The following UNKL variants were observed in gnomAD, a reference collection of about 807,000 sequenced individuals.
UNKL encodes unk like zinc finger.
A neutral mutation model predicts 78.0 loss-of-function variants in UNKL; 60 were observed. That is an observed-to-expected ratio of 0.77 (90% CI 0.63 to 0.95). The LOEUF is 0.95. Ranked by LOEUF, UNKL falls within the 40% of genes least tolerant of loss-of-function variation. The pLI, the probability that UNKL is intolerant of heterozygous loss-of-function variation, is 0.00. For synonymous variants in UNKL, 608 were observed against 474.8 expected, an observed-to-expected ratio of 1.28 and a Z score of -3.65; for missense variants, 1,159 against 1,045.7, an observed-to-expected ratio of 1.11 and a Z score of -1.49.
chr16:1,385,439 C>A (rs1386305328), intron 9 of UNKL, 54 bp from the exon 10 acceptor site: 2 of 1,281,380 alleles, frequency 1.6e-6, no homozygotes, highest in African/African-American at 3.1e-5. Flanking sequence ...GAGGAGGCAG[C>A]GCCACGTCGG....
intron 12 of UNKL, 134 bp from the exon 13 acceptor site, chr16:1,367,992 C>A: frequency 1.3e-6 from 1 of 765,250 alleles, no homozygotes; most frequent in Non-Finnish European, 2.1e-6. Context: ...AGCAGGGGTG[C>A]AGCCACGCCT....
At position 1,367,648 on chromosome 16, in the gene UNKL, ACACT is replaced by A. The variant is rs1308338105; in HGVS notation, c.1788+4_1788+7del. On this transcript the variant is annotated splice_donor_5th_base_variant and intron_variant, in intron 13 of 14. Transcript: ENST00000389221. ...CCCCTCACCTGTCTGGCCCCCCCAC[ACACT>A]CACCTGCTTCACCTGCTGCCAGGAC... The A allele has an allele frequency of 9.3e-6, 12 of 1,286,352 alleles. No homozygotes were observed. Among genetic ancestry groups the A allele is most frequent in the South Asian group, 1.2e-5 (1 of 80,156 alleles). The allele number at this position is 1,286,352 out of a possible 1,614,324, so 79.7% of individuals were successfully genotyped here. A position where few individuals can be genotyped will look rare whatever the true frequency, so the allele number is the denominator to read the frequency against.
chr16:1,393,308 A>C (rs2037126809), intron 7 of UNKL, among the ~76,000 whole-genome samples: 1 of 152,154 alleles, frequency 6.6e-6, no homozygotes, highest in Non-Finnish European at 1.5e-5. Flanking sequence ...TAGGGCTGGG[A>C]GGAGGAGGCC....
At chr16:1,393,974 G>A (rs894939440) in intron 7 of UNKL, among the ~76,000 whole-genome samples, 157 bp downstream of exon 7, 40 of 152,324 alleles carry the variant, frequency 2.6e-4, no homozygotes, top group Admixed American at 5.2e-4. Flanking sequence ...GAGCCTCCAC[G>A]GGCATGTCAG....
chr16:1,385,246 G>A lies in UNKL; in HGVS notation c.1226C>T (p.Pro409Leu), dbSNP rs550441093. ...ALPAPPARAL[P>L]LGPASSTVEA... The stretch of plus-strand genomic sequence containing the variant: ...CACAGTGCTGCTGGCGGGGCCGAGC[G>A]GGAGGGCACGGGCGGGGGGCGCGGG... The change falls in exon 10 of 15, where the codon CCG becomes CTG. Residue 409 changes from proline (P) to leucine (L), a missense_variant. Transcript: ENST00000389221. 3.2e-5 allele frequency: 42 copies of A among 1,312,010 alleles called. No homozygotes were observed. Among genetic ancestry groups the A allele is most frequent in the East Asian group, 1.9e-4 (6 of 31,968 alleles). 81.3% of individuals were successfully genotyped at this position (1,312,010 alleles called of 1,614,324 possible).
chr16:1,394,365 G>T (rs577938681), intron 6 of UNKL, 150 bp from the exon 7 acceptor site: 5 of 914,278 alleles, frequency 5.5e-6, no homozygotes, highest in Non-Finnish European at 8.7e-6. Flanking sequence ...CCTCCTCCAC[G>T]TGTGCCCTTG....
At chr16:1,380,307 A>G (rs2036553139) in intron 10 of UNKL, among the ~76,000 whole-genome samples, 1 of 152,224 alleles carries the variant, frequency 6.6e-6, no homozygotes, top group African/African-American at 2.4e-5. Flanking sequence ...GACCCAGTCT[A>G]CACACCAGCT....
At chr16:1,369,953 C>A in intron 12 of UNKL, 177 bp downstream of exon 12, 1 of 1,549,496 alleles carries the variant, frequency 6.5e-7, no homozygotes, top group Non-Finnish European at 8.7e-7. Flanking sequence ...CCAACCTGGG[C>A]GACAGAGCGA....
chr16:1,379,136 C>T (rs1027235878), intron 10 of UNKL: 87 of 152,276 alleles, frequency 5.7e-4, no homozygotes, highest in African/African-American at 2.0e-3. Context: ...GCGCCGCGGT[C>T]CCCCGGGGTC....
intron 10 of UNKL, among the ~76,000 whole-genome samples, chr16:1,375,073 C>T (rs931708860): frequency 2.4e-4 from 37 of 152,314 alleles, no homozygotes; most frequent in African/African-American, 8.4e-4. Flanking sequence ...GGAGCAACCA[C>T]AGGGTGGCGG....
intron 5 of UNKL, chr16:1,398,461 T>G: frequency 8.7e-7 from 1 of 1,149,108 alleles, no homozygotes; most frequent in South Asian, 2.3e-5. Context: ...GGTCCTTTAC[T>G]CGGAAGCTGC....
At chr16:1,374,165 G>A (rs552057665) in intron 10 of UNKL, among the ~76,000 whole-genome samples, 1 of 148,712 alleles carries the variant, frequency 6.7e-6, no homozygotes, top group African/African-American at 2.6e-5. Context: ...AGGGACTGCC[G>A]GCCAACACCG....
At chr16:1,405,652 T>C (rs2037723347) in intron 2 of UNKL, among the ~76,000 whole-genome samples, 1 of 150,398 alleles carries the variant, frequency 6.6e-6, no homozygotes, top group Non-Finnish European at 1.5e-5. Flanking sequence ...TGAGAGGGAA[T>C]ACCTAAGAGA....
rs898465743 is a variant in UNKL, at chr16:1,370,044, T to C, written c.1585+86A>G. The C allele has an allele frequency of 7.7e-6, 12 of 1,550,868 alleles. No homozygotes were observed. In the Admixed American group the frequency reaches 1.4e-4, roughly 18 times the overall value. ...CACAGATAGGGCACAAGGTTCCGTG[T>C]GAGGCCCCTCAGTCAGGACGGCATC... is the stretch of plus-strand genomic sequence containing the variant. On this transcript the variant is annotated intron_variant, in intron 12 of 14. Transcript: ENST00000389221.
At chr16:1,402,286 A>C (rs1567233919) in intron 3 of UNKL, among the ~76,000 whole-genome samples, 1 of 151,648 alleles carries the variant, frequency 6.6e-6, no homozygotes, top group Non-Finnish European at 1.5e-5. Context: ...GCAGTGCCTC[A>C]CAGCCTCAAC....
chr16:1,388,930 G>A (rs991887492), intron 9 of UNKL, among the ~76,000 whole-genome samples: 6 of 152,168 alleles, frequency 3.9e-5, no homozygotes, highest in African/African-American at 1.2e-4. Flanking sequence ...TGCTACAGTG[G>A]CCATGGTTTG....
At chr16:1,393,141 C>T (rs1490143373) in intron 7 of UNKL, among the ~76,000 whole-genome samples, 165 bp from the exon 8 acceptor site, 3 of 152,226 alleles carry the variant, frequency 2.0e-5, no homozygotes, top group Non-Finnish European at 4.4e-5. Context: ...ACACTCAGGG[C>T]AACAGGACCC....
At chr16:1,401,523 G>GCCCCCCCCCCCCCCCC in intron 4 of UNKL, 45 bp downstream of exon 4, 1 of 1,470,346 alleles carries the variant, frequency 6.8e-7, no homozygotes, top group Non-Finnish European at 9.1e-7. Flanking sequence ...CTCGCGCTGT[G>GCCCCCCCCCCCCCCCC]CCCGCCCCCC....
At chr16:1,397,027 C>T in intron 6 of UNKL, 151 bp downstream of exon 6, 1 of 779,514 alleles carries the variant, frequency 1.3e-6, no homozygotes, top group Non-Finnish European at 2.1e-6. Context: ...AGGTACAGCC[C>T]TCATGCCTCC....
Sources: allele counts gnomAD v4.1 joint callset (sites outside exome capture counted in the v4.1 genomes callset), GRCh38; gene constraint gnomAD v4.1.1; transcripts MANE v1.5; gene names NCBI Gene and HGNC (gene_info 2026-07-23, HGNC 2026-07-21).